DLGAP2: variants seen among roughly 807,000 people sequenced by gnomAD.
DLGAP2 encodes DLG associated protein 2.
In DLGAP2, 26 loss-of-function variants were observed where a neutral mutation model predicts 100.3. The ratio of observed to expected loss-of-function variants is 0.26; its 90% CI spans 0.19 to 0.36. The LOEUF is 0.36. DLGAP2 is among the 10% of genes least tolerant of loss of function. The pLI is 1.00. For missense variants in DLGAP2, 1,858 were observed against 1,453.2 expected (o/e 1.28, Z -4.53); for synonymous variants, 886 against 630.1 (o/e 1.41, Z -6.08).
chr8:1,639,634 A>G (rs899933139), intron 8 of DLGAP2, among the ~76,000 whole-genome samples: 10 of 133,268 alleles, frequency 7.5e-5, no homozygotes, highest in African/African-American at 2.7e-4. Flanking sequence ...CACAAGCCCT[A>G]TGGTCTCCAG....
chr8:801,735 A>C (rs1197084558), intron 1 of DLGAP2, among the ~76,000 whole-genome samples: 3 of 152,140 alleles, frequency 2.0e-5, no homozygotes, highest in African/African-American at 7.2e-5. Flanking sequence ...TGTGACTTTC[A>C]GCTCATTTTG....
intron 2 of DLGAP2, among the ~76,000 whole-genome samples, chr8:1,144,461 T>G (rs1371982159): frequency 6.6e-6 from 1 of 152,204 alleles, no homozygotes; most frequent in African/African-American, 2.4e-5. Context: ...CTTTGAGGCT[T>G]CCGAATGCTC....
Position 1,051,083 on chromosome 8 carries a change from T to C in DLGAP2, c.73+143117T>C, listed in dbSNP as rs113093532. Among the ~76,000 whole-genome samples the C allele has an allele frequency of 7.0e-3, 1,047 of 148,710 alleles. 4 individuals carry two copies. Among genetic ancestry groups the C allele is most frequent in the Non-Finnish European group, 0.011 (759 of 66,684 alleles). On this transcript the variant is annotated intron_variant, in intron 2 of 14. Coordinates refer to ENST00000637795, the MANE Select transcript of DLGAP2 (RefSeq NM_001346810.2). ...GTGGGGGTCATTTTGTGGTGGGGTCTTTTTGTGGGCAGGGGGTCATTTTGT... is the reference window on the plus strand; with the variant it reads ...GTGGGGGTCATTTTGTGGTGGGGTCCTTTTGTGGGCAGGGGGTCATTTTGT...
At chr8:1,234,158 C>T (rs546361833) in intron 2 of DLGAP2, among the ~76,000 whole-genome samples, 10 of 152,314 alleles carry the variant, frequency 6.6e-5, no homozygotes, top group African/African-American at 9.6e-5. Flanking sequence ...TGTCCTCCCT[C>T]GAAAGCGGAA....
chr8:1,127,651 CT>C (rs1053621206), intron 2 of DLGAP2, among the ~76,000 whole-genome samples: 3 of 152,228 alleles, frequency 2.0e-5, no homozygotes, highest in Non-Finnish European at 2.9e-5. Flanking sequence ...CCTCCTTTCC[CT>C]GTCCCTGTGC....
At chr8:1,572,652 A>G (rs1802776904) in intron 6 of DLGAP2, among the ~76,000 whole-genome samples, 1 of 101,136 alleles carries the variant, frequency 9.9e-6, no homozygotes, top group African/African-American at 3.9e-5. Flanking sequence ...AGAGAGGGTG[A>G]ACTGGAGGGG....
chr8:1,028,530 C>T (rs1241279367), intron 2 of DLGAP2, among the ~76,000 whole-genome samples: 2 of 152,188 alleles, frequency 1.3e-5, no homozygotes, highest in African/African-American at 2.4e-5. Flanking sequence ...GCCAGGCACC[C>T]GTTATTCTCC....
chr8:1,600,336 G>T (rs933923068), intron 6 of DLGAP2, among the ~76,000 whole-genome samples: 1 of 152,028 alleles, frequency 6.6e-6, no homozygotes, highest in Non-Finnish European at 1.5e-5. Context: ...TGGTGAATCC[G>T]ACGATTATGT....
chr8:1,210,280 C>A (rs1025822404), intron 2 of DLGAP2, among the ~76,000 whole-genome samples: 4 of 152,120 alleles, frequency 2.6e-5, no homozygotes, highest in Admixed American at 2.0e-4. Context: ...GGAAGCATGG[C>A]AGGGATTCAG....
intron 10 of DLGAP2, among the ~76,000 whole-genome samples, chr8:1,673,957 C>G (rs1585051839): frequency 6.6e-6 from 1 of 152,178 alleles, no homozygotes; most frequent in African/African-American, 2.4e-5. Context: ...TGTCTCTATG[C>G]TTGTGCATGC....
intron 1 of DLGAP2, among the ~76,000 whole-genome samples, chr8:756,248 T>C (rs1319177193): frequency 6.6e-6 from 1 of 152,000 alleles, no homozygotes; most frequent in Non-Finnish European, 1.5e-5. Flanking sequence ...GAGAAGGTGA[T>C]GGGCTCATGC....
At chr8:1,342,162 G>A (rs989050164) in intron 3 of DLGAP2, among the ~76,000 whole-genome samples, 1 of 151,990 alleles carries the variant, frequency 6.6e-6, no homozygotes, top group Admixed American at 6.6e-5. Flanking sequence ...TCCCCAGGCT[G>A]GTCTCAATAC....
intron 8 of DLGAP2, among the ~76,000 whole-genome samples, chr8:1,640,671 G>C (rs899319876): frequency 2.8e-4 from 43 of 152,084 alleles, no homozygotes; most frequent in African/African-American, 1.0e-3. Context: ...TCAGAGGCTT[G>C]TACCCGGGAC....
intron 2 of DLGAP2, among the ~76,000 whole-genome samples, chr8:1,104,706 G>A (rs1804698568): frequency 6.7e-6 from 1 of 149,936 alleles, no homozygotes; most frequent in African/African-American, 2.4e-5. Flanking sequence ...TGCACTGAGG[G>A]GTTGGGGTCC....
intron 1 of DLGAP2, among the ~76,000 whole-genome samples, chr8:744,779 A>G (rs552757938): frequency 6.6e-6 from 1 of 152,276 alleles, no homozygotes; most frequent in Admixed American, 6.5e-5. Context: ...CTTCACCCAC[A>G]CTGGACGGTG....
chr8:1,415,175 C>T (rs150922055), intron 3 of DLGAP2, among the ~76,000 whole-genome samples: 5 of 152,220 alleles, frequency 3.3e-5, no homozygotes, highest in African/African-American at 9.6e-5. Flanking sequence ...TTCTGCCAAC[C>T]TGTGGGCTGT....
chr8:827,871 G>A (rs1039314048), intron 1 of DLGAP2, among the ~76,000 whole-genome samples: 1 of 152,146 alleles, frequency 6.6e-6, no homozygotes, highest in Non-Finnish European at 1.5e-5. Flanking sequence ...AGCGTCGGCT[G>A]GCTTGAGAAA....
chr8:1,392,456 G>A (rs529410536), intron 3 of DLGAP2, among the ~76,000 whole-genome samples: 6 of 152,346 alleles, frequency 3.9e-5, no homozygotes, highest in South Asian at 4.1e-4. Flanking sequence ...AACCCGTTCC[G>A]CTGACTTGGA....
chr8:1,541,051 C>T (rs1255136643), intron 4 of DLGAP2, among the ~76,000 whole-genome samples: 1 of 152,178 alleles, frequency 6.6e-6, no homozygotes. Flanking sequence ...AGCCCTTCCT[C>T]TCAAGAGCAT....
Sources: gnomAD v4.1 joint callset for allele counts (sites outside exome capture counted in the v4.1 genomes callset) on GRCh38, gnomAD v4.1.1 for gene constraint, MANE v1.5 for transcripts, NCBI Gene and HGNC (gene_info 2026-07-23, HGNC 2026-07-21) for gene names.